Variants in AMY2B observed in about 807,000 individuals in gnomAD.
AMY2B encodes amylase alpha 2B.
In AMY2B, 63 loss-of-function variants were observed where a neutral mutation model predicts 59.3. That is an observed-to-expected ratio of 1.06 (90% confidence interval 0.87 to 1.31). AMY2B has a LOEUF of 1.31. Among genes scored for constraint, AMY2B ranks in the 50% most tolerant of loss-of-function variants. The probability of loss-of-function intolerance (pLI) is 0.00; values close to 1 mark genes in which losing one functional copy is unlikely to be tolerated. For missense variants in AMY2B, 635 were observed against 626.7 expected (o/e 1.01, Z -0.14); for synonymous variants, 180 against 198.1 (o/e 0.91, Z 0.77).
intron 3 of AMY2B, 129 bp downstream of exon 3, chr1:103,573,389 C>T: frequency 6.7e-7 from 1 of 1,483,552 alleles, no homozygotes; most frequent in Non-Finnish European, 9.1e-7. Flanking sequence ...ACAGGTTTGA[C>T]TACTTTAAGA....
intron 1 of AMY2B, among the ~76,000 whole-genome samples, chr1:103,558,922 C>A (rs1332058859): frequency 6.6e-6 from 1 of 152,030 alleles, no homozygotes; most frequent in Admixed American, 6.5e-5. Context: ...TTTTTTTCGT[C>A]ATTATTTTGT....
At chr1:103,575,826 T>C in intron 7 of AMY2B, 1 of 331,216 alleles carries the variant, frequency 3.0e-6, no homozygotes, top group Non-Finnish European at 5.3e-6. Context: ...GGGATTAAAA[T>C]ATATACTTCG....
In AMY2B at chr1:103,571,913, A is replaced by G. The variant is rs1652147670; in HGVS notation, c.168+143A>G. The stretch of plus-strand genomic sequence containing the variant: ...GAGTTTTCTGAGGAAAAAACAATGT[A>G]GTATTCTTGGCAACTTTATATTTTG... On this transcript the variant is annotated intron_variant, in intron 1 of 9. Transcript: ENST00000684275. The G allele has an allele frequency of 1.0e-5, 16 of 1,572,842 alleles. No individual in the cohort carries two copies. In the East Asian group the frequency reaches 3.1e-4, roughly 31 times the overall value.
chr1:103,578,158 G>T (rs1021047594), intron 9 of AMY2B, among the ~76,000 whole-genome samples: 11 of 151,970 alleles, frequency 7.2e-5, no homozygotes, highest in Non-Finnish European at 1.5e-4. Context: ...GTTAATATGA[G>T]GATTGTGAAA....
At chr1:103,573,645 A>C (rs1319801188) in intron 3 of AMY2B, 63 bp from the exon 4 acceptor site, 17 of 1,601,908 alleles carry the variant, frequency 1.1e-5, no homozygotes, top group Middle Eastern at 3.3e-4. Flanking sequence ...ATGAATAATC[A>C]AATGGATTCT....
At chr1:103,563,737 C>G (rs1219054667) in intron 1 of AMY2B, among the ~76,000 whole-genome samples, 1 of 151,980 alleles carries the variant, frequency 6.6e-6, no homozygotes, top group Non-Finnish European at 1.5e-5. Context: ...GTGAAAAATG[C>G]TGATTTGCTA....
At chr1:103,578,482 C>G (rs1182074579) in intron 9 of AMY2B, among the ~76,000 whole-genome samples, 1 of 152,158 alleles carries the variant, frequency 6.6e-6, no homozygotes, top group Admixed American at 6.6e-5. Context: ...TAACCTATAG[C>G]TCAGAAGACC....
At chr1:103,574,430 A>G (rs769220789) in intron 5 of AMY2B, 37 bp downstream of exon 5, 10 of 1,609,048 alleles carry the variant, frequency 6.2e-6, no homozygotes, top group African/African-American at 4.0e-5. Flanking sequence ...AGTATTTCAT[A>G]GATTTATTAG....
At chr1:103,556,062 T>A (rs1273627569) in intron 1 of AMY2B, among the ~76,000 whole-genome samples, 1 of 152,152 alleles carries the variant, frequency 6.6e-6, no homozygotes, top group Non-Finnish European at 1.5e-5. Context: ...CAAATTTTTG[T>A]TATATTTTCT....
At chr1:103,570,191 A>G, upstream of AMY2B, 1 of 487,446 alleles carries the variant, frequency 2.1e-6, no homozygotes, top group South Asian at 1.7e-5. Context: ...TACGTCAAGG[A>G]GAAACTGTGC....
At chr1:103,577,064 G>C (rs1224657940) in intron 7 of AMY2B, among the ~76,000 whole-genome samples, 1 of 152,092 alleles carries the variant, frequency 6.6e-6, no homozygotes, top group Admixed American at 6.6e-5. Flanking sequence ...GCAAGACCTC[G>C]TCTTTACTGA....
chr1:103,573,575 T>G, intron 3 of AMY2B, 133 bp from the exon 4 acceptor site: 1 of 1,364,804 alleles, frequency 7.3e-7, no homozygotes, highest in Admixed American at 2.0e-5. Context: ...AATGTGAGCA[T>G]CCCCAGCGCC....
At chr1:103,560,398 G>C (rs1242439028) in intron 1 of AMY2B, among the ~76,000 whole-genome samples, 1 of 152,116 alleles carries the variant, frequency 6.6e-6, no homozygotes, top group African/African-American at 2.4e-5. Flanking sequence ...AAGCCTCACT[G>C]TCTTTCCTTT....
chr1:103,575,111 G>T (rs1241239028), intron 5 of AMY2B, 112 bp from the exon 6 acceptor site: 12 of 1,474,372 alleles, frequency 8.1e-6, no homozygotes, highest in Non-Finnish European at 1.1e-5. Context: ...TTTAATTAGA[G>T]AAAGAATTTA....
Position 103,574,403 on chromosome 1 carries a change from T to C in AMY2B, c.878+10T>C. 1 of 1,610,980 alleles carries C rather than the reference T, an allele frequency of 6.2e-7. No homozygotes were observed. The highest frequency in any genetic ancestry group is 8.5e-7 in the Non-Finnish European group (1 of 1,179,570). ...AGATGTCTTACCTAAAGTAAATAAA[T>C]ACAACTTTTCCCCTGAAGTATTTCA... On this transcript the variant is annotated intron_variant, in intron 5 of 9. Transcript: ENST00000684275.
chr1:103,571,502 G>A, upstream of AMY2B: 1 of 1,572,766 alleles, frequency 6.4e-7, no homozygotes, highest in Non-Finnish European at 8.7e-7. Context: ...TAAACAGTTT[G>A]CCCTCAAGTA....
At chr1:103,568,047 C>A (rs1213553282), upstream of AMY2B, among the ~76,000 whole-genome samples, 1 of 152,170 alleles carries the variant, frequency 6.6e-6, no homozygotes, top group Non-Finnish European at 1.5e-5. Context: ...TGATTTTATA[C>A]TAGTTCTTAT....
intron 1 of AMY2B, among the ~76,000 whole-genome samples, chr1:103,559,892 A>G (rs1348174741): frequency 2.0e-5 from 3 of 152,014 alleles, no homozygotes; most frequent in Non-Finnish European, 4.4e-5. Context: ...ATGAAAATAT[A>G]AAAATGTGCT....
upstream of AMY2B, chr1:103,568,807 A>G (rs911300988): frequency 1.3e-5 from 2 of 151,482 alleles, no homozygotes; most frequent in South Asian, 2.1e-4. Context: ...TATGGAATAT[A>G]TATATGTTTG....
Sources: gnomAD v4.1 joint callset for allele counts (sites outside exome capture counted in the v4.1 genomes callset) on GRCh38, gnomAD v4.1.1 for gene constraint, MANE v1.5 for transcripts, NCBI Gene and HGNC (gene_info 2026-07-23, HGNC 2026-07-21) for gene names.